TMEFF2: variants seen among roughly 807,000 people sequenced by gnomAD.
TMEFF2 encodes the protein tomoregulin-2.
TMEFF2 carries 28 observed loss-of-function variants against 53.8 expected under a neutral mutation model. That is an observed-to-expected ratio of 0.52 (90% CI 0.39 to 0.71). The LOEUF (loss-of-function observed/expected upper bound fraction) is 0.71. Among genes scored for constraint, TMEFF2 ranks in the 30% least tolerant of loss-of-function variants. The pLI is 0.00. For missense variants in TMEFF2, 353 were observed against 455.2 expected (o/e 0.78, Z 2.04); for synonymous variants, 162 against 166.3 (o/e 0.97, Z 0.20).
intron 4 of TMEFF2, among the ~76,000 whole-genome samples, chr2:192,115,239 TATAGATCA>T (rs1295953268): frequency 6.6e-6 from 1 of 151,888 alleles, no homozygotes; most frequent in Non-Finnish European, 1.5e-5. Flanking sequence ...AAAAGAGACA[TATAGATCA>T]ATAGAACAGA....
intron 5 of TMEFF2, among the ~76,000 whole-genome samples, chr2:192,002,954 C>T (rs1277466119): frequency 6.6e-6 from 1 of 152,148 alleles, no homozygotes; most frequent in Admixed American, 6.5e-5. Flanking sequence ...ATTACATAAT[C>T]ATTATTTACT....
intron 9 of TMEFF2, among the ~76,000 whole-genome samples, chr2:191,952,897 G>A: frequency 6.6e-6 from 1 of 152,140 alleles, no homozygotes; most frequent in East Asian, 1.9e-4. Flanking sequence ...AACTTCCTTG[G>A]AACTTTTTAT....
chr2:192,071,044 G>A (rs895114858), intron 4 of TMEFF2, among the ~76,000 whole-genome samples: 2 of 151,810 alleles, frequency 1.3e-5, no homozygotes, highest in Non-Finnish European at 1.5e-5. Flanking sequence ...CCTACTGAGC[G>A]AATGCTTTGA....
chr2:192,153,519 T>C (rs1690436252), intron 4 of TMEFF2, among the ~76,000 whole-genome samples: 1 of 151,886 alleles, frequency 6.6e-6, no homozygotes, highest in Admixed American at 6.6e-5. Context: ...TTACCCTGTT[T>C]GTGATAGAGC....
chr2:192,172,454 G>A (rs563581917), intron 4 of TMEFF2, among the ~76,000 whole-genome samples: 27 of 152,022 alleles, frequency 1.8e-4, no homozygotes, highest in African/African-American at 6.5e-4. Context: ...AGTAAGTGGT[G>A]AGCCAGGATC....
chr2:192,150,792 C>T (rs1367476828), intron 4 of TMEFF2, among the ~76,000 whole-genome samples: 1 of 150,552 alleles, frequency 6.6e-6, no homozygotes, highest in Non-Finnish European at 1.5e-5. Flanking sequence ...CTCCCAGCCT[C>T]TTCTTTGTCT....
In TMEFF2 at chr2:192,194,365, AG is replaced by A; in HGVS notation, c.159del (p.Trp54GlyfsTer28). 6.2e-7 allele frequency: 1 copy of A among 1,614,126 alleles called. No individual in the cohort carries two copies. The highest frequency in any genetic ancestry group is 8.5e-7 in the Non-Finnish European group (1 of 1,179,994). ...GTTCTGGACTTACCAGAGCAATTCC[AG>A]CCGGTGGGCGTTTGGCAGTCACTTA... ...TSLSDCQTPT[G>X]WNCSGYDDRE... On this transcript the variant is annotated frameshift_variant, in exon 1 of 10. Coordinates refer to ENST00000272771, the MANE Select transcript of TMEFF2 (RefSeq NM_016192.4). LOFTEE classifies it high-confidence loss of function. This position sits in a 1 kb window ranked among gnomAD's most constrained non-coding sequence, Gnocchi z 4.2.
chr2:192,090,342 TTGTC>T (rs777365606), intron 4 of TMEFF2, among the ~76,000 whole-genome samples: 88 of 152,302 alleles, frequency 5.8e-4, no homozygotes, highest in African/African-American at 1.8e-3. Context: ...TTTTTTATGA[TTGTC>T]TGTTTTATTA....
chr2:192,141,351 G>C (rs1180717277), intron 4 of TMEFF2, among the ~76,000 whole-genome samples: 1 of 151,724 alleles, frequency 6.6e-6, no homozygotes, highest in African/African-American at 2.4e-5. Context: ...TACTCCAGAG[G>C]CTGAAGCAGT....
intron 4 of TMEFF2, among the ~76,000 whole-genome samples, chr2:192,128,146 G>A (rs570488998): frequency 8.5e-3 from 120 of 14,038 alleles, no homozygotes; most frequent in African/African-American, 0.026. Context: ...AATTGCATCT[G>A]TCACAATTTT....
intron 4 of TMEFF2, among the ~76,000 whole-genome samples, chr2:192,112,497 C>T (rs1689305462): frequency 6.6e-6 from 1 of 152,162 alleles, no homozygotes; most frequent in South Asian, 2.1e-4. Context: ...AAGAAACTAA[C>T]TTGCTTTTGA....
At position 192,055,169 on chromosome 2, in the gene TMEFF2, T is replaced by C. The variant is rs571657162; in HGVS notation, c.536+2510A>G. 9.2e-5 allele frequency among the ~76,000 whole-genome samples: 14 copies of C among 152,320 alleles called. No homozygotes were observed. The East Asian group carries it at 2.7e-3, about 29-fold the overall frequency. ...ACCAATAAACGTTAGAAACGAAATA[T>C]TTTAAGGATACATTTCCTATTTGTG... On this transcript the variant is annotated intron_variant, in intron 5 of 9. Coordinates refer to ENST00000272771, the MANE Select transcript of TMEFF2 (RefSeq NM_016192.4).
chr2:191,956,406 C>T (rs772702360), intron 7 of TMEFF2, 28 bp from the exon 8 acceptor site: 11 of 1,604,924 alleles, frequency 6.9e-6, no homozygotes, highest in Non-Finnish European at 2.6e-6. Context: ...AGTAAGCACC[C>T]CCTGTAAATA....
rs770073611 is a variant in TMEFF2, at chr2:192,017,021, A to G, written c.537-17813T>C. ...TGAGCTTGGGGTGTGGTGGAGTGTC[A>G]AGGTTTCCTAGAGAAGGAATGTAAG... On this transcript the variant is annotated intron_variant, in intron 5 of 9. Transcript: ENST00000272771. 2.6e-5 allele frequency among the ~76,000 whole-genome samples: 4 copies of G among 152,222 alleles called. No homozygotes were observed. In the South Asian group the frequency reaches 8.3e-4, roughly 32 times the overall value.
chr2:191,964,318 TC>T (rs1692366159), intron 7 of TMEFF2, among the ~76,000 whole-genome samples: 2 of 142,736 alleles, frequency 1.4e-5, no homozygotes, highest in African/African-American at 5.6e-5. Context: ...TTTCTTTCCT[TC>T]CTTCCTTTCT....
At chr2:191,986,544 T>G (rs1361340080) in intron 7 of TMEFF2, among the ~76,000 whole-genome samples, 10 of 141,724 alleles carry the variant, frequency 7.1e-5, no homozygotes, top group African/African-American at 2.4e-4. Flanking sequence ...ATTTCTATTT[T>G]GGGACAACTA....
chr2:192,069,982 GTGTGTGTATATATATATATATA>G (rs1340279764), intron 4 of TMEFF2, among the ~76,000 whole-genome samples: 5 of 8,284 alleles, frequency 6.0e-4, no homozygotes, highest in African/African-American at 1.4e-3. Flanking sequence ...GTGTGTGTGT[GTGTGTGTATATATATATATATA>G]TATATATATA....
At position 191,950,029 on chromosome 2, in the gene TMEFF2, A is replaced by C; in HGVS notation, c.*282T>G. On this transcript the variant is annotated 3_prime_UTR_variant, in exon 10 of 10. Coordinates refer to ENST00000272771, the MANE Select transcript of TMEFF2 (RefSeq NM_016192.4). Reference sequence around the variant, plus strand: ...TTAAGAATGCCAATTTTTTCTCATCACTGAGTATTTATTATATATAACAAA... The same window carrying C: ...TTAAGAATGCCAATTTTTTCTCATCCCTGAGTATTTATTATATATAACAAA... The C allele has an allele frequency of 8.8e-7, 1 of 1,134,242 alleles. No homozygotes were observed. Among genetic ancestry groups the C allele is most frequent in the Non-Finnish European group, 1.1e-6 (1 of 917,832 alleles). 70.3% of individuals were successfully genotyped at this position (1,134,242 alleles called of 1,614,324 possible).
chr2:192,172,282 C>G (rs1221381106), intron 4 of TMEFF2, among the ~76,000 whole-genome samples: 1 of 151,748 alleles, frequency 6.6e-6, no homozygotes, highest in East Asian at 1.9e-4. Context: ...AGATTCTGAT[C>G]CTGAGAGCAC....
Sources: gnomAD v4.1 joint callset for allele counts (sites outside exome capture counted in the v4.1 genomes callset) on GRCh38, gnomAD v4.1.1 for gene constraint, Gnocchi (gnomAD v3.1) non-coding constraint, MANE v1.5 for transcripts, NCBI Gene and HGNC (gene_info 2026-07-23, HGNC 2026-07-21) for gene names.